TAF2: variants seen among roughly 807,000 people sequenced by gnomAD.
TAF2 encodes the protein transcription initiation factor TFIID subunit 2.
Under a neutral mutation model 138.5 loss-of-function variants are expected in TAF2, and 61 were observed. The observed-to-expected ratio is 0.44, with a 90% CI of 0.36 to 0.54. The LOEUF is 0.54. TAF2 is among the 20% of genes least tolerant of loss of function. The pLI is 0.00. For synonymous variants in TAF2, 475 were observed against 469.9 expected (o/e 1.01, Z -0.14); for missense variants, 1,090 against 1,427.9 (o/e 0.76, Z 3.81).
intron 22 of TAF2, among the ~76,000 whole-genome samples, chr8:119,751,224 G>A (rs1199179419): frequency 6.6e-6 from 1 of 152,046 alleles, no homozygotes; most frequent in African/African-American, 2.4e-5. Flanking sequence ...CTTTGGAAGA[G>A]GAAAATTATT....
At chr8:119,793,473 G>C (rs1405337604) in intron 9 of TAF2, 22 bp from the exon 10 acceptor site, 3 of 1,576,864 alleles carry the variant, frequency 1.9e-6, no homozygotes, top group Non-Finnish European at 2.6e-6. Context: ...ATAAAAATAG[G>C]AGTCAGTAAA....
Position 119,806,342 on chromosome 8 carries a change from T to A in TAF2, c.359A>T (p.Asp120Val). The change falls in exon 4 of 26, where the codon GAT becomes GTT. Residue 120 changes from aspartate (D) to valine (V), a missense_variant. Coordinates refer to ENST00000378164, the MANE Select transcript of TAF2 (RefSeq NM_003184.4). The part of the protein sequence containing the change: ...YAAAVSAVDP[D>V]AGNGELCIKV... ...AATGCAAAGTTCTCCATTTCCTGCA[T>A]CAGGGTCCACAGCACTAACTGCAGC... The A allele has an allele frequency of 6.2e-7, 1 of 1,614,116 alleles. No individual in the cohort carries two copies. Among genetic ancestry groups the A allele is most frequent in the Non-Finnish European group, 8.5e-7 (1 of 1,180,020 alleles).
chr8:119,819,203 C>T, intron 3 of TAF2, 143 bp downstream of exon 3: 2 of 823,318 alleles, frequency 2.4e-6, no homozygotes, highest in Non-Finnish European at 1.9e-6. Flanking sequence ...ACCAAATGTA[C>T]AGAGTGGTAA....
intron 18 of TAF2, among the ~76,000 whole-genome samples, chr8:119,763,503 G>A (rs1821204670): frequency 6.6e-6 from 1 of 152,152 alleles, no homozygotes; most frequent in South Asian, 2.1e-4. Context: ...GCCAAGGCCG[G>A]CAGAACACTT....
intron 22 of TAF2, among the ~76,000 whole-genome samples, chr8:119,751,729 A>G (rs182436210): frequency 1.3e-5 from 2 of 152,346 alleles, no homozygotes; most frequent in Admixed American, 1.3e-4. Context: ...TTTAAAAACG[A>G]CTGCCCCTGG....
intron 19 of TAF2, chr8:119,761,792 C>A (rs1164330240): frequency 6.8e-6 from 1 of 146,824 alleles, no homozygotes; most frequent in African/African-American, 2.5e-5. Flanking sequence ...AAGAGCGAAA[C>A]TTGGTCTCAA....
intron 3 of TAF2, among the ~76,000 whole-genome samples, chr8:119,812,485 G>A (rs950035124): frequency 1.1e-4 from 17 of 151,844 alleles, no homozygotes; most frequent in Admixed American, 6.6e-4. Flanking sequence ...CCTCCTCCCC[G>A]CTTCTGAGTC....
intron 2 of TAF2, among the ~76,000 whole-genome samples, chr8:119,825,325 T>G (rs777735372): frequency 6.6e-6 from 1 of 152,280 alleles, no homozygotes; most frequent in Admixed American, 6.5e-5. Context: ...ACCCATTGCC[T>G]GTACTCTCAT....
Position 119,760,722 on chromosome 8 carries a change from G to A in TAF2, c.2575C>T (p.Arg859Trp), listed in dbSNP as rs537891410. ...ACATGTCCGTTCTTCTGAAGTACCC[G>A]TATGGCTCTCAAACAACTAGGGAAA... is the stretch of plus-strand genomic sequence containing the variant. ...TITVSCLRAI[R>W]VLQKNGHVPS... The change falls in exon 20 of 26, where the codon CGG becomes TGG. Residue 859 changes from arginine to tryptophan, a missense_variant. Around this residue, in one of 3 missense-constraint regions of TAF2, gnomAD observed 580 missense variants for 719.6 expected, o/e 0.81. Transcript: ENST00000378164. The A allele has an allele frequency of 1.2e-5, 19 of 1,613,802 alleles. No individual in the cohort carries two copies. The East Asian group carries it at 1.8e-4, about 15-fold the overall frequency.
rs1294447109 is a variant in TAF2, at chr8:119,730,904, AT to A, written c.*1019del. ...GATAAAAATTGAACAGATATAAAAA[AT>A]ATTCTTAAACAAATATTAAAGCACA... On this transcript the variant is annotated 3_prime_UTR_variant, in exon 26 of 26. Coordinates refer to ENST00000378164, the MANE Select transcript of TAF2 (RefSeq NM_003184.4). 2 of 152,244 alleles carry A rather than the reference AT, an allele frequency of 1.3e-5. No homozygotes were observed. Among genetic ancestry groups the A allele is most frequent in the East Asian group, 1.9e-4 (1 of 5,202 alleles). The allele number at this position is 152,244 out of a possible 1,614,324, so 9.4% of individuals were successfully genotyped here.
At chr8:119,799,883 T>G (rs1824124511) in intron 6 of TAF2, among the ~76,000 whole-genome samples, 1 of 152,250 alleles carries the variant, frequency 6.6e-6, no homozygotes, top group Admixed American at 6.5e-5. Flanking sequence ...GGTTTTGATT[T>G]GCATTTCTCT....
At chr8:119,827,449 C>G (rs1189296694) in intron 2 of TAF2, among the ~76,000 whole-genome samples, 1 of 152,198 alleles carries the variant, frequency 6.6e-6, no homozygotes, top group Non-Finnish European at 1.5e-5. Flanking sequence ...ATTTTCTAAT[C>G]TGACCTATAA....
intron 2 of TAF2, among the ~76,000 whole-genome samples, chr8:119,826,784 G>C (rs1826129398): frequency 6.6e-6 from 1 of 152,142 alleles, no homozygotes; most frequent in East Asian, 1.9e-4. Context: ...GTAGAGACGG[G>C]GTTTCACCAT....
At chr8:119,754,680 CAAA>C (rs74482890) in intron 22 of TAF2, among the ~76,000 whole-genome samples, 1 of 121,392 alleles carries the variant, frequency 8.2e-6, no homozygotes. Context: ...AAGACTGTCT[CAAA>C]AAAAAAAAAA....
At chr8:119,742,695 CTT>C (rs1563816772) in intron 24 of TAF2, 39 bp from the exon 25 acceptor site, 1 of 1,607,834 alleles carries the variant, frequency 6.2e-7, no homozygotes, top group South Asian at 1.1e-5. Context: ...GGATTTATTT[CTT>C]TGTTTCCCAA....
intron 3 of TAF2, among the ~76,000 whole-genome samples, chr8:119,814,066 T>TGCAG (rs1211685869): frequency 6.6e-6 from 1 of 152,098 alleles, no homozygotes; most frequent in Non-Finnish European, 1.5e-5. Context: ...AAGGCTGCAG[T>TGCAG]AAGCTATGAT....
intron 8 of TAF2, among the ~76,000 whole-genome samples, chr8:119,796,282 A>G (rs1460086771): frequency 6.6e-6 from 1 of 152,084 alleles, no homozygotes; most frequent in Non-Finnish European, 1.5e-5. Flanking sequence ...ATCTATCTTT[A>G]GTCTCTGCCC....
chr8:119,832,524 T>C lies in TAF2; in HGVS notation c.41A>G (p.Lys14Arg), dbSNP rs1826529122. Reference sequence around the variant, plus strand: ...GCTTTCAAAGCCCTTGTCTCCTTTCTTCCTGTTCATTCTGGCGGGCTCTAC... The same window carrying C: ...GCTTTCAAAGCCCTTGTCTCCTTTCCTCCTGTTCATTCTGGCGGGCTCTAC... ...TGVEPARMNR[K>R]KGDKGFESPR... Residue 14 changes from lysine (K) to arginine (R), a missense_variant, in exon 1 of 26, where the codon AAG (lysine) becomes AGG (arginine). Coordinates refer to ENST00000378164, the MANE Select transcript of TAF2 (RefSeq NM_003184.4). 1 of 1,610,442 alleles carries C rather than the reference T, an allele frequency of 6.2e-7. No individual in the cohort carries two copies. Among genetic ancestry groups the C allele is most frequent in the African/African-American group, 1.3e-5 (1 of 74,376 alleles).
rs1357151259 is a variant in TAF2, at chr8:119,832,590, C to A, written c.-26G>T. 1.2e-6 allele frequency: 2 copies of A among 1,609,568 alleles called. No homozygotes were observed. The highest frequency in any genetic ancestry group is 8.5e-7 in the Non-Finnish European group (1 of 1,178,556). ...GAAGCGGTCCCGCGGAGCTTGGCTT[C>A]CCGGCTTCCTAGGGGGATACGGGGC... On this transcript the variant is annotated 5_prime_UTR_variant, in exon 1 of 26. An upstream open reading frame in the 5' UTR gains an earlier in-frame stop. Transcript: ENST00000378164.
Sources: gnomAD v4.1 joint callset for allele counts (sites outside exome capture counted in the v4.1 genomes callset) on GRCh38, gnomAD v4.1.1 for gene constraint, gnomAD v4.1.1 regional missense constraint, MANE v1.5 for transcripts, NCBI Gene and HGNC (gene_info 2026-07-23, HGNC 2026-07-21) for gene names.